ASZ1: variants seen among roughly 807,000 people sequenced by gnomAD.
ASZ1 encodes the protein ankyrin repeat, SAM and basic leucine zipper domain-containing protein 1.
ASZ1 carries 67 observed loss-of-function variants against 61.8 expected under a neutral mutation model. The ratio of observed to expected loss-of-function variants is 1.08; its 90% CI spans 0.89 to 1.33. ASZ1 has a LOEUF of 1.33. Among genes scored for constraint, ASZ1 ranks in the 40% most tolerant of loss-of-function variants. The probability of loss-of-function intolerance (pLI) is 0.00; values close to 1 mark genes in which losing one functional copy is unlikely to be tolerated. For missense variants in ASZ1, 577 were observed against 554.5 expected (o/e 1.04, Z -0.41); for synonymous variants, 193 against 192.7 (o/e 1.00, Z -0.01).
chr7:117,406,396 T>C (rs1796782708), intron 4 of ASZ1, among the ~76,000 whole-genome samples: 2 of 152,142 alleles, frequency 1.3e-5, no homozygotes, highest in African/African-American at 2.4e-5. Context: ...AAGATGAGTA[T>C]GTGGGTAAAT....
At chr7:117,401,537 G>A (rs1454211654) in intron 4 of ASZ1, among the ~76,000 whole-genome samples, 1 of 152,164 alleles carries the variant, frequency 6.6e-6, no homozygotes, top group African/African-American at 2.4e-5. Context: ...TGTTTAAGGG[G>A]TTGAAGGAGA....
rs758049899 is a variant in ASZ1 at position 117,368,675 on chromosome 7, C to T, written c.1098G>A (p.Gln366=). 6.2e-7 allele frequency: 1 copy of T among 1,612,884 alleles called. No homozygotes were observed. Among genetic ancestry groups the T allele is most frequent in the Non-Finnish European group, 8.5e-7 (1 of 1,179,428 alleles). The part of the protein sequence containing the change: ...FLNFLLKLNK[Q]CGHLITAVQN... ...GTACAGCTGTTATTAAATGGCCACA[C>T]TGTTTATTTAATTTGAGAAGAAAGT... The change falls in exon 11 of 13, where the codon CAG becomes CAA. Residue 366 remains glutamine, a synonymous_variant. Transcript: ENST00000284629.
intron 2 of ASZ1, among the ~76,000 whole-genome samples, chr7:117,423,689 C>CAAAAAAAAAA (rs60144830): frequency 8.8e-4 from 67 of 75,732 alleles, no homozygotes; most frequent in Non-Finnish European, 1.0e-3. Context: ...ACTAAAAATA[C>CAAAAAAAAAA]AAAAAAAAAA....
At chr7:117,379,381 A>T (rs1406884615) in intron 10 of ASZ1, among the ~76,000 whole-genome samples, 1 of 151,530 alleles carries the variant, frequency 6.6e-6, no homozygotes, top group Non-Finnish European at 1.5e-5. Context: ...AAAAATTTTT[A>T]AAAATCATTT....
At chr7:117,425,665 G>C (rs1797190127) in intron 2 of ASZ1, among the ~76,000 whole-genome samples, 1 of 151,800 alleles carries the variant, frequency 6.6e-6, no homozygotes, top group Admixed American at 6.6e-5. Context: ...ATGAAGCCCA[G>C]GACAGAATTA....
intron 12 of ASZ1, among the ~76,000 whole-genome samples, chr7:117,363,978 CT>C (rs1795880116): frequency 6.6e-6 from 1 of 152,104 alleles, no homozygotes. Flanking sequence ...AAAATACATG[CT>C]TTCATAGATG....
At chr7:117,375,199 A>G (rs1433565757) in intron 10 of ASZ1, among the ~76,000 whole-genome samples, 3 of 152,058 alleles carry the variant, frequency 2.0e-5, no homozygotes, top group Non-Finnish European at 2.9e-5. Flanking sequence ...AAAGACAATC[A>G]TATATCTAAA....
intron 2 of ASZ1, among the ~76,000 whole-genome samples, chr7:117,426,505 A>G (rs1042782503): frequency 5.4e-4 from 81 of 150,036 alleles, no homozygotes; most frequent in Non-Finnish European, 1.0e-3. Flanking sequence ...AAAAAAAAAA[A>G]AAAAAGAAAA....
chr7:117,421,390 T>C (rs1479708659), intron 3 of ASZ1, among the ~76,000 whole-genome samples: 2 of 152,240 alleles, frequency 1.3e-5, no homozygotes, highest in South Asian at 4.1e-4. Context: ...TATTTTTTTA[T>C]TGTTAGTAGA....
chr7:117,424,116 A>G (rs1432903970), intron 2 of ASZ1, among the ~76,000 whole-genome samples: 1 of 152,218 alleles, frequency 6.6e-6, no homozygotes, highest in Non-Finnish European at 1.5e-5. Context: ...AACATCAACT[A>G]TAGAAAAGTA....
In ASZ1 at chr7:117,368,682, T is replaced by C. The variant is rs746841209; in HGVS notation, c.1091A>G (p.Asn364Ser). ...TGTTATTAAATGGCCACACTGTTTATTTAATTTGAGAAGAAAGTTGAGGAA... is the reference window on the plus strand; with the variant it reads ...TGTTATTAAATGGCCACACTGTTTACTTAATTTGAGAAGAAAGTTGAGGAA... Reference protein sequence around the residue: ...DEFLNFLLKLNKQCGHLITAV... With the variant: ...DEFLNFLLKLSKQCGHLITAV... The change falls in exon 11 of 13, where the codon AAT becomes AGT. Residue 364 changes from asparagine (N) to serine (S), a missense_variant. By Grantham distance (46) the Asn-to-Ser change is conservative. Transcript: ENST00000284629. 49 of 1,612,880 alleles carry C rather than the reference T, an allele frequency of 3.0e-5. No homozygotes were observed. In the South Asian group the frequency reaches 5.1e-4, roughly 17 times the overall value.
chr7:117,408,405 G>A (rs1584738278), intron 4 of ASZ1, among the ~76,000 whole-genome samples: 1 of 152,206 alleles, frequency 6.6e-6, no homozygotes. Flanking sequence ...GCTGTGCCAG[G>A]AACCAGGGGA....
intron 2 of ASZ1, among the ~76,000 whole-genome samples, chr7:117,425,158 T>C (rs557439942): frequency 3.2e-4 from 49 of 152,046 alleles, no homozygotes; most frequent in African/African-American, 1.1e-3. Flanking sequence ...TAATCACATC[T>C]AACTACCTTG....
intron 6 of ASZ1, among the ~76,000 whole-genome samples, chr7:117,384,022 C>T (rs1584724595): frequency 6.6e-6 from 1 of 152,052 alleles, no homozygotes; most frequent in African/African-American, 2.4e-5. Context: ...GATTACATGA[C>T]GGAATCTTTG....
chr7:117,383,651 C>G (rs1796296635), intron 6 of ASZ1, among the ~76,000 whole-genome samples: 1 of 151,910 alleles, frequency 6.6e-6, no homozygotes, highest in South Asian at 2.1e-4. Context: ...TCTAACCTCT[C>G]AGGAAGTCAA....
At position 117,384,716 on chromosome 7, in the gene ASZ1, A is replaced by C; in HGVS notation, c.687+10T>G. ...CACAGAAAATAAGTTTAATATGTAC[A>C]GAAGGATACCTCATGATGTTTGTTT... On this transcript the variant is annotated intron_variant, in intron 6 of 12. Transcript: ENST00000284629. 6.2e-7 allele frequency: 1 copy of C among 1,609,816 alleles called. No homozygotes were observed. The highest frequency in any genetic ancestry group is 8.5e-7 in the Non-Finnish European group (1 of 1,177,544).
At position 117,363,467 on chromosome 7, in the gene ASZ1, T is replaced by G; in HGVS notation, c.*129A>C. ...CCACTTTTTAAAAAAAAACTCCACA[T>G]TGTCAAAATTTTTCCTATGGAATAT... is the stretch of plus-strand genomic sequence containing the variant. On this transcript the variant is annotated 3_prime_UTR_variant, in exon 13 of 13. Transcript: ENST00000284629. 1.3e-6 allele frequency: 1 copy of G among 768,618 alleles called. No individual in the cohort carries two copies. The highest frequency in any genetic ancestry group is 1.8e-6 in the Non-Finnish European group (1 of 553,872). 47.6% of individuals were successfully genotyped at this position (768,618 alleles called of 1,614,324 possible).
intron 10 of ASZ1, among the ~76,000 whole-genome samples, chr7:117,374,958 A>G (rs1321237014): frequency 1.3e-5 from 2 of 152,062 alleles, no homozygotes; most frequent in Non-Finnish European, 2.9e-5. Flanking sequence ...ACTGGGTAAA[A>G]TGTAATTAAC....
At position 117,399,163 on chromosome 7, in the gene ASZ1, G is replaced by A. The variant is rs984658568; in HGVS notation, c.441-13354C>T. 3.4e-4 allele frequency among the ~76,000 whole-genome samples: 51 copies of A among 152,160 alleles called. 2 individuals carry two copies. Among genetic ancestry groups the A allele is most frequent in the Admixed American group, 7.2e-4 (11 of 15,264 alleles). On this transcript the variant is annotated intron_variant, in intron 4 of 12. Coordinates refer to ENST00000284629, the MANE Select transcript of ASZ1 (RefSeq NM_130768.3). ...GAGGATGGCCTGAGCCCAGGAGGTC[G>A]AGGCTGCAGTGAGCCAGGATCACAC...
Sources: allele counts gnomAD v4.1 joint callset (sites outside exome capture counted in the v4.1 genomes callset), GRCh38; gene constraint gnomAD v4.1.1; transcripts MANE v1.5; gene names NCBI Gene and HGNC (gene_info 2026-07-23, HGNC 2026-07-21).